Variants in TMEM213 observed in about 807,000 individuals in gnomAD.
TMEM213 encodes the protein transmembrane protein 213.
A neutral mutation model predicts 11.6 loss-of-function variants in TMEM213; 7 were observed. The ratio of observed to expected loss-of-function variants is 0.60; its 90% CI spans 0.34 to 1.13. The LOEUF is 1.13. Among genes scored for constraint, TMEM213 ranks in the 50% most tolerant of loss-of-function variants. The pLI is 0.03. For synonymous variants in TMEM213, 60 were observed against 58.3 expected, an observed-to-expected ratio of 1.03 and a Z score of -0.13; for missense variants, 129 against 139.0, an observed-to-expected ratio of 0.93 and a Z score of 0.36.
chr7:138,798,033 C>T lies in TMEM213; in HGVS notation c.-72C>T. 2 of 1,554,008 alleles carry T rather than the reference C, an allele frequency of 1.3e-6. No homozygotes were observed. Among genetic ancestry groups the T allele is most frequent in the Admixed American group, 2.0e-5 (1 of 51,164 alleles). ...GCTCCTGCAGGTGGGAGTCGACTCA[C>T]CTGCAGCAGGCACTCGGCACAACTC... On this transcript the variant is annotated 5_prime_UTR_variant, in exon 1 of 3. Coordinates refer to ENST00000442682, the MANE Select transcript of TMEM213 (RefSeq NM_001085429.2).
rs1432703791 is a variant in TMEM213, at chr7:138,801,395, C to T, written c.151C>T (p.Leu51Phe). ...AGACCCTGGGACCCTGGAGCAGTGC[C>T]TCAGTAAGCTTCTCCTGCCAACTGC... ...HPDPGTLEQC[L>F]NVDFCPQAAR... The change falls in exon 2 of 3, where the codon CTC becomes TTC. Residue 51 changes from leucine to phenylalanine, a missense_variant. Transcript: ENST00000442682. The T allele has an allele frequency of 1.9e-6, 3 of 1,607,362 alleles. No individual in the cohort carries two copies. Among genetic ancestry groups the T allele is most frequent in the Admixed American group, 3.4e-5 (2 of 59,098 alleles).
chr7:138,800,705 T>TTCTTCTTCTTC (rs1491478661), intron 1 of TMEM213, among the ~76,000 whole-genome samples: 8 of 57,910 alleles, frequency 1.4e-4, no homozygotes, highest in African/African-American at 5.0e-4. Context: ...CTTCTTCTTC[T>TTCTTCTTCTTC]TTTTTTTTTT....
At chr7:138,800,388 A>G (rs1401594643) in intron 1 of TMEM213, among the ~76,000 whole-genome samples, 4 of 152,138 alleles carry the variant, frequency 2.6e-5, no homozygotes, top group African/African-American at 4.8e-5. Flanking sequence ...TCCCTAACCC[A>G]ATCCCACACC....
chr7:138,806,394 T>A lies in TMEM213; in HGVS notation c.*3325T>A, dbSNP rs1809101544. ...TGGGACTGGTGGCGCATGCCTGTGG[T>A]CCCAGCTACTCGGGAGGCTGAGGTG... On this transcript the variant is annotated 3_prime_UTR_variant, in exon 3 of 3. Transcript: ENST00000442682. The A allele has an allele frequency of 6.6e-6, 1 of 152,244 alleles. No homozygotes were observed. The highest frequency in any genetic ancestry group is 2.4e-5 in the African/African-American group (1 of 41,450). The allele number at this position is 152,244 out of a possible 1,614,324, so 9.4% of individuals were successfully genotyped here.
intron 1 of TMEM213, among the ~76,000 whole-genome samples, chr7:138,799,881 T>C (rs1808871905): frequency 6.6e-6 from 1 of 152,174 alleles, no homozygotes; most frequent in Non-Finnish European, 1.5e-5. Flanking sequence ...AGCAACTTCA[T>C]GGCTTTAGCT....
chr7:138,801,202 C>A, intron 1 of TMEM213, 125 bp from the exon 2 acceptor site: 1 of 847,312 alleles, frequency 1.2e-6, no homozygotes, highest in Non-Finnish European at 1.9e-6. Context: ...CCTCAATATG[C>A]CCATGCGGGA....
At position 138,806,394 on chromosome 7, in the gene TMEM213, T is replaced by C. The variant is rs1809101544; in HGVS notation, c.*3325T>C. On this transcript the variant is annotated 3_prime_UTR_variant, in exon 3 of 3. Coordinates refer to ENST00000442682, the MANE Select transcript of TMEM213 (RefSeq NM_001085429.2). ...TGGGACTGGTGGCGCATGCCTGTGG[T>C]CCCAGCTACTCGGGAGGCTGAGGTG... The C allele has an allele frequency of 6.6e-6, 1 of 152,244 alleles. No individual in the cohort carries two copies. Among genetic ancestry groups the C allele is most frequent in the African/African-American group, 2.4e-5 (1 of 41,450 alleles). The allele number at this position is 152,244 out of a possible 1,614,324, so 9.4% of individuals were successfully genotyped here.
intron 1 of TMEM213, among the ~76,000 whole-genome samples, chr7:138,799,788 C>G (rs1019717972): frequency 3.3e-5 from 5 of 152,208 alleles, no homozygotes; most frequent in African/African-American, 1.2e-4. Flanking sequence ...TTTACAGTAA[C>G]AGATTGCATC....
At chr7:138,798,776 C>T (rs914176156) in intron 1 of TMEM213, among the ~76,000 whole-genome samples, 32 of 152,184 alleles carry the variant, frequency 2.1e-4, no homozygotes, top group African/African-American at 7.2e-4. Flanking sequence ...GGCTGGAAGG[C>T]TGATCTACAT....
intron 2 of TMEM213, 140 bp from the exon 3 acceptor site, chr7:138,802,760 C>A: frequency 1.2e-6 from 1 of 810,890 alleles, no homozygotes; most frequent in South Asian, 2.5e-5. Context: ...TGTAAAAGCA[C>A]GCAGCACAGT....
intron 1 of TMEM213, among the ~76,000 whole-genome samples, chr7:138,800,760 G>T (rs1808914489): frequency 9.0e-6 from 1 of 111,036 alleles, no homozygotes; most frequent in Admixed American, 9.2e-5. Context: ...GAGTGCAATG[G>T]TGTGATCTCA....
At position 138,804,866 on chromosome 7, in the gene TMEM213, C is replaced by T. The variant is rs1809050719; in HGVS notation, c.*1797C>T. On this transcript the variant is annotated 3_prime_UTR_variant, in exon 3 of 3. Transcript: ENST00000442682. ...CAGGTTCATCAGAAGAAAGAAAGGA[C>T]AAAATGACTCCTTATGAAGCATTTT... 6.6e-6 allele frequency: 1 copy of T among 152,110 alleles called. No homozygotes were observed. The highest frequency in any genetic ancestry group is 2.1e-4 in the South Asian group (1 of 4,820). The allele number at this position is 152,110 out of a possible 1,614,324, so 9.4% of individuals were successfully genotyped here.
chr7:138,798,758 C>T (rs958307721), intron 1 of TMEM213, among the ~76,000 whole-genome samples: 1 of 152,198 alleles, frequency 6.6e-6, no homozygotes, highest in African/African-American at 2.4e-5. Context: ...TCCCCATTTT[C>T]CTGTGGAGGC....
Position 138,804,226 on chromosome 7 carries a change from C to G in TMEM213, c.*1157C>G, listed in dbSNP as rs1809038491. The G allele has an allele frequency of 1.3e-5, 2 of 152,346 alleles. No homozygotes were observed. The highest frequency in any genetic ancestry group is 2.4e-5 in the African/African-American group (1 of 41,446). 9.4% of individuals were successfully genotyped at this position (152,346 alleles called of 1,614,324 possible). A position where few individuals can be genotyped will look rare whatever the true frequency, so the allele number is the denominator to read the frequency against. On this transcript the variant is annotated 3_prime_UTR_variant, in exon 3 of 3. Transcript: ENST00000442682. ...AGGCGCTGTCACCTTCTGTTGACAA[C>G]AGTCAGTAGCTCCTAAGGACTAAAA...
chr7:138,798,441 A>T (rs989830619), intron 1 of TMEM213: 2 of 543,598 alleles, frequency 3.7e-6, no homozygotes, highest in Non-Finnish European at 6.6e-6. Context: ...AGGAGCAGCC[A>T]CCTCTCTTGG....
chr7:138,802,944 G>A lies in TMEM213; in HGVS notation c.199G>A (p.Val67Met), dbSNP rs1808995131. The A allele has an allele frequency of 6.2e-7, 1 of 1,610,232 alleles. No homozygotes were observed. Among genetic ancestry groups the A allele is most frequent in the Non-Finnish European group, 8.5e-7 (1 of 1,178,708 alleles). Residue 67 changes from valine to methionine, a missense_variant, in exon 3 of 3, where the codon GTG (valine) becomes ATG (methionine). Val to Met is a conservative substitution (Grantham distance 21, BLOSUM62 1). Coordinates refer to ENST00000442682, the MANE Select transcript of TMEM213 (RefSeq NM_001085429.2). ...PQAARCCRTG[V>M]DEYGWIAAAV... ...AGCAGCCCGGTGCTGCCGCACAGGA[G>A]TGGACGAGTACGGCTGGATCGCGGC... is the stretch of plus-strand genomic sequence containing the variant.
rs1409108550 is a variant in TMEM213, at chr7:138,806,080, CT to C, written c.*3015del. The C allele has an allele frequency of 6.6e-6, 1 of 152,202 alleles. No homozygotes were observed. The highest frequency in any genetic ancestry group is 1.5e-5 in the Non-Finnish European group (1 of 68,040). 9.4% of individuals were successfully genotyped at this position (152,202 alleles called of 1,614,324 possible). A position where few individuals can be genotyped will look rare whatever the true frequency, so the allele number is the denominator to read the frequency against. On this transcript the variant is annotated 3_prime_UTR_variant, in exon 3 of 3. Transcript: ENST00000442682. ...GAGAGAACGAATCAATACAACCACT[CT>C]TTTCCTTGAGACTGCAAAGAAAATG... is the stretch of plus-strand genomic sequence containing the variant.
chr7:138,801,462 G>C, intron 2 of TMEM213, 64 bp downstream of exon 2: 1 of 1,465,796 alleles, frequency 6.8e-7, no homozygotes, highest in East Asian at 2.4e-5. Context: ...GGGAAACAAA[G>C]GCCTCCCCGC....
chr7:138,803,002 T>A lies in TMEM213; in HGVS notation c.257T>A (p.Leu86His), dbSNP rs1486982945. ...GGCTGGAGCCTCTGGTTCCTCACCC[T>A]CATCCTGCTCTGTGTGGACAAACTG... The part of the protein sequence containing the change: ...AVGWSLWFLT[L>H]ILLCVDKLMK... The change falls in exon 3 of 3, where the codon CTC becomes CAC. Residue 86 changes from leucine to histidine, a missense_variant. Coordinates refer to ENST00000442682, the MANE Select transcript of TMEM213 (RefSeq NM_001085429.2). 6.2e-7 allele frequency: 1 copy of A among 1,613,640 alleles called. No homozygotes were observed. The highest frequency in any genetic ancestry group is 8.5e-7 in the Non-Finnish European group (1 of 1,179,878).
Sources: allele counts gnomAD v4.1 joint callset (sites outside exome capture counted in the v4.1 genomes callset), GRCh38; gene constraint gnomAD v4.1.1; transcripts MANE v1.5; gene names NCBI Gene and HGNC (gene_info 2026-07-23, HGNC 2026-07-21).